SIPA1L1: variants seen among roughly 807,000 people sequenced by gnomAD.
SIPA1L1 encodes signal-induced proliferation-associated 1-like protein 1.
SIPA1L1 carries 26 observed loss-of-function variants against 162.7 expected under a neutral mutation model. The ratio of observed to expected loss-of-function variants is 0.16; its 90% CI spans 0.12 to 0.22. The LOEUF (loss-of-function observed/expected upper bound fraction) is 0.22, where lower values mean the gene tolerates loss of function less well. Ranked by LOEUF, SIPA1L1 falls within the 10% of genes least tolerant of loss-of-function variation. SIPA1L1 has a pLI of 1.00. For missense variants in SIPA1L1, 1,874 were observed against 2,241.0 expected, an observed-to-expected ratio of 0.84 and a Z score of 3.31; for synonymous variants, 829 against 837.4, an observed-to-expected ratio of 0.99 and a Z score of 0.17.
chr14:71,545,658 C>G (rs1196326880), intron 4 of SIPA1L1, among the ~76,000 whole-genome samples: 1 of 151,832 alleles, frequency 6.6e-6, no homozygotes, highest in Non-Finnish European at 1.5e-5. Context: ...TTATTTGTTC[C>G]TTTTCCATCT....
intron 2 of SIPA1L1, among the ~76,000 whole-genome samples, chr14:71,470,632 G>C (rs995843554): frequency 1.3e-5 from 2 of 152,062 alleles, no homozygotes; most frequent in Admixed American, 1.3e-4. Flanking sequence ...AGGAGCTCTG[G>C]GTTCTCATCA....
intron 2 of SIPA1L1, among the ~76,000 whole-genome samples, chr14:71,430,381 T>G (rs1214295211): frequency 6.6e-6 from 1 of 152,230 alleles, no homozygotes; most frequent in African/African-American, 2.4e-5. Flanking sequence ...TTTGAAGTTA[T>G]CAGTCTTCAT....
chr14:71,511,522 C>T (rs1328896101), intron 2 of SIPA1L1, among the ~76,000 whole-genome samples: 1 of 152,104 alleles, frequency 6.6e-6, no homozygotes, highest in East Asian at 1.9e-4. Flanking sequence ...CTCCTGGGCT[C>T]AAGCAATGTG....
At chr14:71,406,198 T>C (rs1285889807) in intron 2 of SIPA1L1, among the ~76,000 whole-genome samples, 1 of 152,184 alleles carries the variant, frequency 6.6e-6, no homozygotes, top group Non-Finnish European at 1.5e-5. Flanking sequence ...CTTGAGCAAC[T>C]GGGAAGATGA....
At chr14:71,652,643 T>C (rs1028772549) in intron 8 of SIPA1L1, among the ~76,000 whole-genome samples, 4 of 151,516 alleles carry the variant, frequency 2.6e-5, no homozygotes, top group Non-Finnish European at 1.5e-5. Context: ...TTTTTCCCCC[T>C]AACCTTTTTT....
intron 2 of SIPA1L1, among the ~76,000 whole-genome samples, chr14:71,343,364 T>C (rs2035845457): frequency 6.6e-6 from 1 of 152,186 alleles, no homozygotes; most frequent in South Asian, 2.1e-4. Flanking sequence ...GCTATGTATT[T>C]CGTAGATAAC....
At chr14:71,336,413 GTC>G (rs1254891703) in intron 2 of SIPA1L1, among the ~76,000 whole-genome samples, 2 of 152,052 alleles carry the variant, frequency 1.3e-5, no homozygotes, top group African/African-American at 4.8e-5. Context: ...CCTACTTTCT[GTC>G]TTTATAGATT....
At chr14:71,732,382 A>G (rs2084875702) in intron 20 of SIPA1L1, among the ~76,000 whole-genome samples, 1 of 151,982 alleles carries the variant, frequency 6.6e-6, no homozygotes, top group Non-Finnish European at 1.5e-5. Context: ...CTTCTCGTGG[A>G]GTGGTGTGCT....
chr14:71,399,403 T>C (rs2041484355), intron 2 of SIPA1L1, among the ~76,000 whole-genome samples: 1 of 152,202 alleles, frequency 6.6e-6, no homozygotes. Context: ...GAATGCACTT[T>C]TGTTGCTGCT....
chr14:71,635,532 A>G (rs1346803358), intron 7 of SIPA1L1, among the ~76,000 whole-genome samples: 1 of 152,204 alleles, frequency 6.6e-6, no homozygotes, highest in Non-Finnish European at 1.5e-5. Flanking sequence ...AATTGGTAAA[A>G]CGGTGCATGT....
intron 2 of SIPA1L1, among the ~76,000 whole-genome samples, chr14:71,487,791 C>T (rs2048892723): frequency 6.6e-6 from 1 of 152,130 alleles, no homozygotes; most frequent in Non-Finnish European, 1.5e-5. Context: ...TAATTGAGAG[C>T]TATAATTATT....
intron 5 of SIPA1L1, among the ~76,000 whole-genome samples, chr14:71,601,948 CT>C (rs926890820): frequency 6.7e-6 from 1 of 148,986 alleles, no homozygotes; most frequent in Non-Finnish European, 1.5e-5. Flanking sequence ...GGTCTTCTCC[CT>C]TTTTTTTTCT....
intron 5 of SIPA1L1, among the ~76,000 whole-genome samples, chr14:71,608,411 A>T (rs899634968): frequency 1.3e-5 from 2 of 152,162 alleles, no homozygotes; most frequent in African/African-American, 4.8e-5. Context: ...CTTTAAATAT[A>T]AGGAAATTCA....
At chr14:71,491,872 T>C (rs1326574300) in intron 2 of SIPA1L1, among the ~76,000 whole-genome samples, 1 of 146,622 alleles carries the variant, frequency 6.8e-6, no homozygotes, top group African/African-American at 2.5e-5. Flanking sequence ...TTTCAGTAAA[T>C]TGTAAATGAA....
In SIPA1L1 at chr14:71,463,871, T is replaced by A. The variant is rs1001546122; in HGVS notation, c.-464-48872T>A. On this transcript the variant is annotated intron_variant, in intron 2 of 23. Coordinates refer to ENST00000381232, the MANE Select transcript of SIPA1L1 (RefSeq NM_001386936.1). ...ATGCCAGAGCTCTACAGGAGTCAGA[T>A]TATTCTGATTGCCACTTTGCCTCTG... Among the ~76,000 whole-genome samples, 4 of 152,218 alleles carry A rather than the reference T, an allele frequency of 2.6e-5. No homozygotes were observed. In the East Asian group the frequency reaches 5.8e-4, roughly 22 times the overall value.
intron 7 of SIPA1L1, among the ~76,000 whole-genome samples, chr14:71,632,087 A>G (rs1210544655): frequency 6.6e-6 from 1 of 152,144 alleles, no homozygotes; most frequent in East Asian, 1.9e-4. Context: ...CTAAGTTTGG[A>G]CTCTGGATTC....
At chr14:71,718,712 A>G (rs1015493640) in intron 17 of SIPA1L1, among the ~76,000 whole-genome samples, 1 of 152,202 alleles carries the variant, frequency 6.6e-6, no homozygotes, top group Non-Finnish European at 1.5e-5. Flanking sequence ...GACTTTATAT[A>G]ATATAAATAG....
intron 3 of SIPA1L1, among the ~76,000 whole-genome samples, chr14:71,527,397 G>T (rs565991338): frequency 4.0e-4 from 60 of 151,880 alleles, no homozygotes; most frequent in African/African-American, 1.4e-3. Context: ...TGTAGTGACA[G>T]GGTCTTGCTA....
chr14:71,529,175 A>G (rs2053193609), intron 3 of SIPA1L1, 137 bp from the exon 4 acceptor site: 1 of 408,224 alleles, frequency 2.4e-6, no homozygotes. Context: ...GTCTAATTTA[A>G]AAGCAACTAT....
Sources: allele counts gnomAD v4.1 joint callset (sites outside exome capture counted in the v4.1 genomes callset), GRCh38; gene constraint gnomAD v4.1.1; transcripts MANE v1.5; gene names NCBI Gene and HGNC (gene_info 2026-07-23, HGNC 2026-07-21).